The following ASB8 variants were observed in gnomAD, a reference collection of about 807,000 sequenced individuals.
ASB8 encodes the protein ankyrin repeat and SOCS box protein 8.
ASB8 carries 15 observed loss-of-function variants against 22.9 expected under a neutral mutation model. The observed-to-expected ratio is 0.66, with a 90% CI of 0.44 to 1.01. The LOEUF (loss-of-function observed/expected upper bound fraction) is 1.01, where lower values mean the gene tolerates loss of function less well. Ranked by LOEUF, ASB8 falls within the 50% of genes least tolerant of loss-of-function variation. The pLI is 0.00. For missense variants in ASB8, 294 were observed against 356.9 expected, an observed-to-expected ratio of 0.82 and a Z score of 1.42; for synonymous variants, 124 against 140.8, an observed-to-expected ratio of 0.88 and a Z score of 0.84.
chr12:48,154,894 C>T (rs1007629861), intron 1 of ASB8, among the ~76,000 whole-genome samples: 1 of 152,016 alleles, frequency 6.6e-6, no homozygotes, highest in African/African-American at 2.4e-5. Flanking sequence ...TGAGCTGAGG[C>T]TGCACTACTG....
At chr12:48,151,419 T>A in intron 2 of ASB8, 114 bp from the exon 3 acceptor site, 1 of 978,642 alleles carries the variant, frequency 1.0e-6, no homozygotes, top group Non-Finnish European at 1.5e-6. Flanking sequence ...ATTTTATAGA[T>A]ACAGTGCTAG....
intron 2 of ASB8, chr12:48,152,703 C>T (rs1449495513): frequency 6.6e-6 from 1 of 151,712 alleles, no homozygotes; most frequent in East Asian, 1.9e-4. Context: ...GATTTAAAAA[C>T]CACCTCTGTA....
At position 48,151,265 on chromosome 12, in the gene ASB8, A is replaced by C. The variant is rs925394600; in HGVS notation, c.170T>G (p.Leu57Trp). The C allele has an allele frequency of 5.0e-6, 8 of 1,614,038 alleles. No individual in the cohort carries two copies. In the East Asian group the frequency reaches 1.8e-4, roughly 36 times the overall value. ...VNCTHGTLKP[L>W]HCACMVSDAD... ...ATCTGACACCATACAGGCACAGTGC[A>C]AGGGCTTCAGTGTGCCATGAGTGCA... The change falls in exon 3 of 4, where the codon TTG (leucine) becomes TGG (tryptophan). Residue 57 changes from leucine to tryptophan, a missense_variant. Leu to Trp is a moderately conservative substitution (Grantham distance 61). Transcript: ENST00000317697.
At position 48,149,473 on chromosome 12, in the gene ASB8, CGAGT is replaced by C. The variant is rs139353821; in HGVS notation, c.756_759del (p.Arg255MetfsTer16). 2.2e-4 allele frequency: 355 copies of C among 1,614,094 alleles called. 1 individual carries two copies. The highest frequency in any genetic ancestry group is 2.8e-4 in the Non-Finnish European group (330 of 1,179,990). ...AGGCTACGGCGCACGGCATAGCGAG[CGAGT>C]GTTTTTAGAGTTCCTGGAGCTGAGC... On this transcript the variant is annotated frameshift_variant, in exon 4 of 4. Transcript: ENST00000317697. LOFTEE classifies it high-confidence loss of function.
At chr12:48,153,678 T>C (rs1199881611) in intron 1 of ASB8, 149 bp from the exon 2 acceptor site, 2 of 567,354 alleles carry the variant, frequency 3.5e-6, no homozygotes, top group Non-Finnish European at 5.9e-6. Context: ...TGGATTATAA[T>C]AGTTGCCTAG....
chr12:48,156,572 AC>A (rs1304864593), intron 1 of ASB8, among the ~76,000 whole-genome samples: 2 of 152,218 alleles, frequency 1.3e-5, no homozygotes, highest in African/African-American at 2.4e-5. Context: ...AGCCTGAGCA[AC>A]ATGGCGAGAC....
At position 48,151,208 on chromosome 12, in the gene ASB8, C is replaced by G; in HGVS notation, c.227G>C (p.Gly76Ala). 6.2e-7 allele frequency: 1 copy of G among 1,610,168 alleles called. No individual in the cohort carries two copies. Among genetic ancestry groups the G allele is most frequent in the Non-Finnish European group, 8.5e-7 (1 of 1,176,378 alleles). The change falls in exon 3 of 4, where the codon GGA (glycine) becomes GCA (alanine). Residue 76 changes from glycine to alanine, a missense_variant. Transcript: ENST00000317697. ...ADCVELLLEK[G>A]AEVNALDGYN... ...ATGTGTTAAAAACATTACCTCGGCT[C>G]CTTTTTCCAGAAGTAACTCCACACA...
At chr12:48,151,753 T>C (rs1453762527) in intron 2 of ASB8, 3 of 676,642 alleles carry the variant, frequency 4.4e-6, no homozygotes, top group Non-Finnish European at 6.9e-6. Context: ...TCATTAATAG[T>C]GGCATCATCT....
intron 1 of ASB8, chr12:48,156,985 T>TG (rs1324792252): frequency 1.1e-4 from 11 of 99,872 alleles, no homozygotes; most frequent in African/African-American, 4.9e-4. Context: ...ACTGAGAAGC[T>TG]GAAAAAAAAA....
chr12:48,156,545 C>T (rs961592481), intron 1 of ASB8, among the ~76,000 whole-genome samples: 2 of 152,152 alleles, frequency 1.3e-5, no homozygotes, highest in African/African-American at 4.8e-5. Flanking sequence ...AACTCTTGAA[C>T]CTGGAAGTTC....
Position 48,149,111 on chromosome 12 carries a change from A to G in ASB8, c.*255T>C. 1 of 516,270 alleles carries G rather than the reference A, an allele frequency of 1.9e-6. No homozygotes were observed. 32.0% of individuals were successfully genotyped at this position (516,270 alleles called of 1,614,324 possible). A position where few individuals can be genotyped will look rare whatever the true frequency, so the allele number is the denominator to read the frequency against. On this transcript the variant is annotated 3_prime_UTR_variant, in exon 4 of 4. Coordinates refer to ENST00000317697, the MANE Select transcript of ASB8 (RefSeq NM_024095.5). ...TCCCTAAAGGGGAGGATTGAGGGAG[A>G]CCTCTTCTTTTGCAAAATGCAATAT...
In ASB8 at chr12:48,150,282, A is replaced by T. The variant is rs1262017778; in HGVS notation, c.235-284T>A. On this transcript the variant is annotated intron_variant, in intron 3 of 3. Transcript: ENST00000317697. ...TGCTGCAATGTTCTTTTATCTATTCATTAGAATCTCTACCACAGAGTAAGG... is the reference window on the plus strand; with the variant it reads ...TGCTGCAATGTTCTTTTATCTATTCTTTAGAATCTCTACCACAGAGTAAGG... 1.5e-5 allele frequency: 10 copies of T among 675,122 alleles called. No homozygotes were observed. In the Admixed American group the frequency reaches 1.7e-4, roughly 11 times the overall value. The allele number at this position is 675,122 out of a possible 1,614,324, so 41.8% of individuals were successfully genotyped here.
rs924254032 is a variant in ASB8, at chr12:48,150,235, T to C, written c.235-237A>G. 5 of 700,938 alleles carry C rather than the reference T, an allele frequency of 7.1e-6. No individual in the cohort carries two copies. In the Admixed American group the frequency reaches 1.0e-4, roughly 14 times the overall value. The allele number at this position is 700,938 out of a possible 1,614,324, so 43.4% of individuals were successfully genotyped here. ...AACACTATTATGTGCACTGACTAGC[T>C]GGTCTGCATTATTTTGGTTTTTGCT... On this transcript the variant is annotated intron_variant, in intron 3 of 3. Transcript: ENST00000317697.
chr12:48,153,250 G>A (rs757419105), intron 2 of ASB8, 118 bp downstream of exon 2: 85 of 1,289,166 alleles, frequency 6.6e-5, no homozygotes, highest in Non-Finnish European at 8.5e-5. Flanking sequence ...AATGCAGTTA[G>A]CAAAATGTAA....
chr12:48,156,155 G>A (rs753900622), intron 1 of ASB8, among the ~76,000 whole-genome samples: 5 of 152,134 alleles, frequency 3.3e-5, no homozygotes, highest in Non-Finnish European at 7.4e-5. Context: ...TTGTGAATCA[G>A]TAGCCATTTA....
rs975882890 is a variant in ASB8 at position 48,151,056 on chromosome 12, T to G, written c.234+145A>C. The G allele has an allele frequency of 4.6e-6, 3 of 654,092 alleles. No individual in the cohort carries two copies. In the African/African-American group the frequency reaches 5.5e-5, roughly 12 times the overall value. The allele number at this position is 654,092 out of a possible 1,614,324, so 40.5% of individuals were successfully genotyped here. ...TATATATTTACCATTACATTTTCCT[T>G]AATATTGGCTATGCCAACATTACCT... On this transcript the variant is annotated intron_variant, in intron 3 of 3. Coordinates refer to ENST00000317697, the MANE Select transcript of ASB8 (RefSeq NM_024095.5).
intron 1 of ASB8, chr12:48,157,030 A>G (rs1352102447): frequency 6.6e-6 from 1 of 150,914 alleles, no homozygotes; most frequent in Non-Finnish European, 1.5e-5. Context: ...AGAAGACACA[A>G]CAGCTCTGAT....
chr12:48,152,113 T>C (rs905055885), intron 2 of ASB8, among the ~76,000 whole-genome samples: 3 of 150,794 alleles, frequency 2.0e-5, no homozygotes, highest in Non-Finnish European at 4.4e-5. Flanking sequence ...GATCGCGCCA[T>C]TGCACTCCAG....
intron 1 of ASB8, among the ~76,000 whole-genome samples, chr12:48,154,078 A>G (rs1217184934): frequency 2.6e-5 from 4 of 152,256 alleles, no homozygotes; most frequent in Non-Finnish European, 5.9e-5. Context: ...TAAACAGTAT[A>G]GAAGTGATTG....
Sources: gnomAD v4.1 joint callset for allele counts (sites outside exome capture counted in the v4.1 genomes callset) on GRCh38, gnomAD v4.1.1 for gene constraint, MANE v1.5 for transcripts, NCBI Gene and HGNC (gene_info 2026-07-23, HGNC 2026-07-21) for gene names.